Variants in TMEM184A observed in about 807,000 individuals in gnomAD.
TMEM184A encodes the protein transmembrane protein 184A, also known as sexually dimorphic, expressed in male gonads 1.
A neutral mutation model predicts 39.5 loss-of-function variants in TMEM184A; 40 were observed. The observed-to-expected ratio is 1.01, with a 90% CI of 0.79 to 1.32. TMEM184A has a LOEUF of 1.32. Among genes scored for constraint, TMEM184A ranks in the 40% most tolerant of loss-of-function variants. The pLI, the probability that TMEM184A is intolerant of heterozygous loss-of-function variation, is 0.00. For missense variants in TMEM184A, 603 were observed against 568.8 expected (o/e 1.06, Z -0.61); for synonymous variants, 280 against 252.3 (o/e 1.11, Z -1.04).
intron 6 of TMEM184A, chr7:1,549,052 G>C (rs1342740687): frequency 2.0e-6 from 1 of 507,626 alleles, no homozygotes; most frequent in Non-Finnish European, 3.8e-6. Context: ...CTGTGTGGTG[G>C]ACACACAGGT....
At chr7:1,553,684 G>A (rs1201272578) in intron 2 of TMEM184A, among the ~76,000 whole-genome samples, 2 of 152,126 alleles carry the variant, frequency 1.3e-5, no homozygotes, top group Admixed American at 6.5e-5. Context: ...CACGCTCCCC[G>A]ATGGTCCCTG....
chr7:1,548,481 C>T lies in TMEM184A; in HGVS notation c.814+38G>A, dbSNP rs74629464. 518 of 1,585,870 alleles carry T rather than the reference C, an allele frequency of 3.3e-4. 4 individuals are homozygous for T. In the East Asian group the frequency reaches 8.7e-3, roughly 27 times the overall value. On this transcript the variant is annotated intron_variant, in intron 7 of 8. Transcript: ENST00000297477. Reference sequence around the variant, plus strand: ...CCCAGGCTCACTGGACTGCAGCCCCCACCTCGGTAGCACCCCTGCCCCACC... The same window carrying T: ...CCCAGGCTCACTGGACTGCAGCCCCTACCTCGGTAGCACCCCTGCCCCACC...
At position 1,542,366 on chromosome 7, in the gene TMEM184A, G is replaced by C. The variant is rs144263130; in HGVS notation, c.*4586C>G. The C allele has an allele frequency of 6.6e-6, 1 of 152,550 alleles. No homozygotes were observed. The highest frequency in any genetic ancestry group is 1.9e-4 in the East Asian group (1 of 5,194). 9.4% of individuals were successfully genotyped at this position (152,550 alleles called of 1,614,324 possible). Reference sequence around the variant, plus strand: ...CACAGGTGGGAGTTGGGAGCAAAGCGGAGGCCCGGGCTGCCCGCCGTCCCC... The same window carrying C: ...CACAGGTGGGAGTTGGGAGCAAAGCCGAGGCCCGGGCTGCCCGCCGTCCCC... On this transcript the variant is annotated 3_prime_UTR_variant, in exon 9 of 9. Coordinates refer to ENST00000297477, the MANE Select transcript of TMEM184A (RefSeq NM_001097620.2).
chr7:1,549,546 C>T (rs1583217142), intron 6 of TMEM184A: 1 of 522,318 alleles, frequency 1.9e-6, no homozygotes, highest in Non-Finnish European at 3.8e-6. Flanking sequence ...GCTAGACTCA[C>T]CCCAGCCGTG....
intron 8 of TMEM184A, 89 bp downstream of exon 8, chr7:1,547,653 C>A: frequency 7.2e-7 from 1 of 1,384,436 alleles, no homozygotes; most frequent in Non-Finnish European, 1.0e-6. Flanking sequence ...AGCTGGCATT[C>A]CTGGGCCTCG....
Position 1,551,017 on chromosome 7 carries a change from C to T in TMEM184A, c.220-35G>A, listed in dbSNP as rs774984515. 18 of 1,576,594 alleles carry T rather than the reference C, an allele frequency of 1.1e-5. 1 individual carries two copies. The highest frequency in any genetic ancestry group is 7.1e-5 in the Admixed American group (4 of 56,004). On this transcript the variant is annotated intron_variant, in intron 2 of 8. Transcript: ENST00000297477. The stretch of plus-strand genomic sequence containing the variant: ...GGAGGGGTCGCATGAGAGCCGGGCC[C>T]GCCTGGTACCCCTGGACCAGCCCAG...
chr7:1,554,731 G>T (rs868690602), intron 2 of TMEM184A, among the ~76,000 whole-genome samples: 1 of 152,190 alleles, frequency 6.6e-6, no homozygotes, highest in African/African-American at 2.4e-5. Context: ...CGGGTCGGGG[G>T]CTGTGTGTGG....
rs200985574 is a variant in TMEM184A at position 1,550,296 on chromosome 7, C to T, written c.476+9G>A. ...GTGGGGTGTGGGGGCTCTGGGGTGA[C>T]GGGCTTACTTGATGGGCTTTCCACG... On this transcript the variant is annotated intron_variant, in intron 4 of 8. Transcript: ENST00000297477. The T allele has an allele frequency of 6.8e-6, 11 of 1,612,274 alleles. No individual in the cohort carries two copies. The highest frequency in any genetic ancestry group is 4.0e-5 in the African/African-American group (3 of 74,996).
intron 2 of TMEM184A, among the ~76,000 whole-genome samples, chr7:1,554,791 C>T (rs370775094): frequency 3.9e-5 from 6 of 152,298 alleles, no homozygotes; most frequent in African/African-American, 1.4e-4. Flanking sequence ...ACAGGAGTCC[C>T]GGTCCCTCTA....
At chr7:1,549,311 C>CG in intron 6 of TMEM184A, 1 of 274,936 alleles carries the variant, frequency 3.6e-6, no homozygotes, top group Non-Finnish European at 6.9e-6. Context: ...TGGTGAGCAC[C>CG]TTGGACCTTC....
chr7:1,546,421 G>A lies in TMEM184A; in HGVS notation c.*531C>T, dbSNP rs1404877753. 2.0e-5 allele frequency: 3 copies of A among 152,344 alleles called. No homozygotes were observed. The highest frequency in any genetic ancestry group is 2.4e-5 in the African/African-American group (1 of 41,446). 9.4% of individuals were successfully genotyped at this position (152,344 alleles called of 1,614,324 possible). On this transcript the variant is annotated 3_prime_UTR_variant, in exon 9 of 9. Transcript: ENST00000297477. ...CCTTCTCCACGTGCCCACGAGGGCC[G>A]TAGCAGGCTCCAAGGAGGCCCAGCC...
In TMEM184A at chr7:1,548,468, G is replaced by A. The variant is rs759397497; in HGVS notation, c.814+51C>T. 4 of 1,571,368 alleles carry A rather than the reference G, an allele frequency of 2.5e-6. No homozygotes were observed. The East Asian group carries it at 6.7e-5, about 26-fold the overall frequency. On this transcript the variant is annotated intron_variant, in intron 7 of 8. Coordinates refer to ENST00000297477, the MANE Select transcript of TMEM184A (RefSeq NM_001097620.2). ...GGTGTGAGGTGACCCCAGGCTCACT[G>A]GACTGCAGCCCCCACCTCGGTAGCA...
In TMEM184A at chr7:1,548,637, G is replaced by C; in HGVS notation, c.696C>G (p.Ser232Arg). The C allele has an allele frequency of 6.2e-7, 1 of 1,613,946 alleles. No individual in the cohort carries two copies. The highest frequency in any genetic ancestry group is 8.5e-7 in the Non-Finnish European group (1 of 1,179,990). The change falls in exon 7 of 9, where the codon AGC becomes AGG. Residue 232 changes from serine (S) to arginine (R), a missense_variant. Transcript: ENST00000297477. Reference protein sequence around the residue: ...YVTLIYNASVSLALYALFLFY... With the variant: ...YVTLIYNASVRLALYALFLFY... ...AGAGGAACAGGGCGTAGAGGGCGAG[G>C]CTGACGGAGGCGTTGTAGATGAGGG...
At chr7:1,551,302 G>A (rs185875846) in intron 2 of TMEM184A, among the ~76,000 whole-genome samples, 32 of 51,160 alleles carry the variant, frequency 6.3e-4, no homozygotes, top group African/African-American at 2.1e-3. Flanking sequence ...AGCCAGGTCC[G>A]CCTGGTACCC....
Position 1,545,964 on chromosome 7 carries a change from G to A in TMEM184A, c.*988C>T, listed in dbSNP as rs144844269. ...CCCCCGCCCAGGTACTCAGGGCCCT[G>A]CCTTCGTGGCCTTGTCCGCTCGCCG... On this transcript the variant is annotated 3_prime_UTR_variant, in exon 9 of 9. Coordinates refer to ENST00000297477, the MANE Select transcript of TMEM184A (RefSeq NM_001097620.2). The A allele has an allele frequency of 2.0e-3, 298 of 152,460 alleles. 2 individuals are homozygous for A. Among genetic ancestry groups the A allele is most frequent in the Non-Finnish European group, 2.1e-3 (140 of 68,066 alleles). The allele number at this position is 152,460 out of a possible 1,614,324, so 9.4% of individuals were successfully genotyped here.
At position 1,546,701 on chromosome 7, in the gene TMEM184A, G is replaced by A; in HGVS notation, c.*251C>T. The A allele has an allele frequency of 2.2e-6, 1 of 455,710 alleles. No homozygotes were observed. The highest frequency in any genetic ancestry group is 3.9e-6 in the Non-Finnish European group (1 of 258,972). 28.2% of individuals were successfully genotyped at this position (455,710 alleles called of 1,614,324 possible). On this transcript the variant is annotated 3_prime_UTR_variant, in exon 9 of 9. Coordinates refer to ENST00000297477, the MANE Select transcript of TMEM184A (RefSeq NM_001097620.2). ...GCTGATGGCTGGGTGATCCCAGGGG[G>A]TCCCCAGGCTCTTCCGATTGGCTCA...
At position 1,550,141 on chromosome 7, in the gene TMEM184A, G is replaced by A. The variant is rs777837576; in HGVS notation, c.534C>T (p.Phe178=). ...CCCTCACCTGCTTACAGAAGCGCAGGAACCCGATGGAGTAGGTCATGCCCC... is the reference window on the plus strand; with the variant it reads ...CCCTCACCTGCTTACAGAAGCGCAGAAACCCGATGGAGTAGGTCATGCCCC... ...CLRGMTYSIG[F]LRFCKQATLQ... Residue 178 remains phenylalanine (F), a synonymous_variant, in exon 5 of 9, where the codon TTC becomes TTT. Coordinates refer to ENST00000297477, the MANE Select transcript of TMEM184A (RefSeq NM_001097620.2). 1.2e-6 allele frequency: 2 copies of A among 1,606,526 alleles called. No homozygotes were observed. Among genetic ancestry groups the A allele is most frequent in the African/African-American group, 1.3e-5 (1 of 74,950 alleles).
rs1784441479 is a variant in TMEM184A at position 1,548,581 on chromosome 7, G to T, written c.752C>A (p.Pro251His). Reference protein sequence around the residue: ...FYFTTRELLRPFQPVLKFLTI... With the variant: ...FYFTTRELLRHFQPVLKFLTI... Reference sequence around the variant, plus strand: ...GAGGAACTTGAGGACGGGCTGGAAGGGCCGCAGGAGCTCCCTGGTGGTGAA... The same window carrying T: ...GAGGAACTTGAGGACGGGCTGGAAGTGCCGCAGGAGCTCCCTGGTGGTGAA... The change falls in exon 7 of 9, where the codon CCC becomes CAC. Residue 251 changes from proline to histidine, a missense_variant. Pro to His is a moderately conservative substitution (Grantham distance 77). Coordinates refer to ENST00000297477, the MANE Select transcript of TMEM184A (RefSeq NM_001097620.2). 1 of 1,613,766 alleles carries T rather than the reference G, an allele frequency of 6.2e-7. No homozygotes were observed. Among genetic ancestry groups the T allele is most frequent in the Admixed American group, 1.7e-5 (1 of 59,998 alleles).
intron 2 of TMEM184A, among the ~76,000 whole-genome samples, chr7:1,552,862 C>T (rs1452956133): frequency 1.3e-5 from 2 of 152,150 alleles, no homozygotes; most frequent in Non-Finnish European, 2.9e-5. Flanking sequence ...CGAGACCGGC[C>T]TGGTCAACAG....
Sources: allele counts gnomAD v4.1 joint callset (sites outside exome capture counted in the v4.1 genomes callset), GRCh38; gene constraint gnomAD v4.1.1; transcripts MANE v1.5; gene names NCBI Gene and HGNC (gene_info 2026-07-23, HGNC 2026-07-21).